The following NDUFAF2 variants were observed in gnomAD, a reference collection of about 807,000 sequenced individuals.
NDUFAF2 encodes the protein NADH dehydrogenase [ubiquinone] 1 alpha subcomplex assembly factor 2.
Under a neutral mutation model 22.8 loss-of-function variants are expected in NDUFAF2, and 13 were observed. The ratio of observed to expected loss-of-function variants is 0.57; its 90% CI spans 0.37 to 0.91. The LOEUF is 0.91. NDUFAF2 is among the 40% of genes least tolerant of loss of function. NDUFAF2 has a pLI of 0.01. For missense variants in NDUFAF2, 162 were observed against 195.2 expected (o/e 0.83, Z 1.01); for synonymous variants, 53 against 64.2 (o/e 0.83, Z 0.84).
At chr5:61,124,709 T>G (rs1269824480) in intron 3 of NDUFAF2, among the ~76,000 whole-genome samples, 1 of 152,152 alleles carries the variant, frequency 6.6e-6, no homozygotes, top group East Asian at 1.9e-4. Context: ...CAGTACAAAT[T>G]AGAACATTTC....
chr5:61,054,045 T>C (rs1348042503), intron 1 of NDUFAF2, among the ~76,000 whole-genome samples: 2 of 151,764 alleles, frequency 1.3e-5, no homozygotes, highest in Non-Finnish European at 2.9e-5. Context: ...TACAAAAAAT[T>C]TAAAACTTAG....
At chr5:60,945,706 G>A (rs1322675418) in intron 1 of NDUFAF2, among the ~76,000 whole-genome samples, 1 of 152,220 alleles carries the variant, frequency 6.6e-6, no homozygotes, top group Non-Finnish European at 1.5e-5. Flanking sequence ...AGGAGCCTCA[G>A]TTTTAGCCCT....
intron 3 of NDUFAF2, among the ~76,000 whole-genome samples, chr5:61,138,271 G>GGCAA (rs55825248): frequency 6.6e-6 from 1 of 152,082 alleles, no homozygotes; most frequent in South Asian, 2.1e-4. Flanking sequence ...CTTATTAGGA[G>GGCAA]TCCAAGCAAG....
At chr5:61,080,483 A>T (rs1410283409) in intron 2 of NDUFAF2, among the ~76,000 whole-genome samples, 1 of 152,210 alleles carries the variant, frequency 6.6e-6, no homozygotes, top group Admixed American at 6.5e-5. Flanking sequence ...AGTGTATGAG[A>T]GTTCAAGTTG....
intron 2 of NDUFAF2, among the ~76,000 whole-genome samples, chr5:61,094,734 C>T (rs1009517637): frequency 1.3e-5 from 2 of 152,164 alleles, no homozygotes; most frequent in Non-Finnish European, 2.9e-5. Flanking sequence ...CTGCAGTTTT[C>T]TGGGGATCCA....
At chr5:61,128,953 G>C (rs1366761157) in intron 3 of NDUFAF2, among the ~76,000 whole-genome samples, 1 of 151,800 alleles carries the variant, frequency 6.6e-6, no homozygotes, top group African/African-American at 2.4e-5. Flanking sequence ...AAATTTACAA[G>C]AAAAAAACAA....
At chr5:60,953,802 AT>A (rs1750579467) in intron 1 of NDUFAF2, among the ~76,000 whole-genome samples, 1 of 152,196 alleles carries the variant, frequency 6.6e-6, no homozygotes. Context: ...GGTTTACTGT[AT>A]TTATGAATAT....
intron 1 of NDUFAF2, among the ~76,000 whole-genome samples, chr5:61,016,073 C>G (rs992063285): frequency 6.6e-6 from 1 of 152,098 alleles, no homozygotes. Context: ...TCAATCCCAG[C>G]TACTCAGGAG....
chr5:61,041,259 A>G (rs1751878861), intron 1 of NDUFAF2, among the ~76,000 whole-genome samples: 1 of 152,188 alleles, frequency 6.6e-6, no homozygotes, highest in Non-Finnish European at 1.5e-5. Flanking sequence ...TTCTTATCTC[A>G]ATGTAAACAT....
intron 3 of NDUFAF2, among the ~76,000 whole-genome samples, chr5:61,136,181 C>T (rs1740935544): frequency 1.3e-5 from 2 of 151,010 alleles, no homozygotes; most frequent in South Asian, 2.1e-4. Context: ...TTAGATGACA[C>T]TCTGTTTATC....
intron 1 of NDUFAF2, among the ~76,000 whole-genome samples, chr5:61,065,544 A>G (rs1172154486): frequency 1.3e-5 from 2 of 152,132 alleles, no homozygotes; most frequent in Non-Finnish European, 2.9e-5. Context: ...CTGGTTTAAC[A>G]TACACAAATC....
intron 1 of NDUFAF2, among the ~76,000 whole-genome samples, chr5:60,980,200 A>G (rs919699207): frequency 4.6e-5 from 7 of 152,220 alleles, no homozygotes; most frequent in African/African-American, 1.7e-4. Context: ...AAACAAGTCT[A>G]GACTGTGAAG....
rs973377266 is a variant in NDUFAF2, at chr5:61,000,022, C to CA, written c.127+54644dup. On this transcript the variant is annotated intron_variant, in intron 1 of 3. Transcript: ENST00000296597. ...AATTTGCATAATGACTTTTGATGGA[C>CA]AAAATAAAAAAGTTTTAGAAGACCA... Among the ~76,000 whole-genome samples, 257 of 151,546 alleles carry CA rather than the reference C, an allele frequency of 1.7e-3. 2 individuals carry two copies. The highest frequency in any genetic ancestry group is 6.1e-3 in the African/African-American group (251 of 41,356).
chr5:61,004,927 A>T (rs997342093), intron 1 of NDUFAF2, among the ~76,000 whole-genome samples: 2 of 135,102 alleles, frequency 1.5e-5, no homozygotes, highest in African/African-American at 5.1e-5. Flanking sequence ...ATTCTTTTTT[A>T]TTTATTTATT....
At chr5:61,016,194 T>A (rs575134779) in intron 1 of NDUFAF2, among the ~76,000 whole-genome samples, 17 of 147,564 alleles carry the variant, frequency 1.2e-4, no homozygotes, top group African/African-American at 3.9e-4. Flanking sequence ...AAAAAAAAAA[T>A]ATATATATAC....
intron 1 of NDUFAF2, among the ~76,000 whole-genome samples, chr5:60,993,309 C>A (rs1751185399): frequency 6.6e-6 from 1 of 152,210 alleles, no homozygotes. Flanking sequence ...GAGTCACAGC[C>A]CTGGCTTGGG....
At chr5:61,049,121 A>C (rs925959899) in intron 1 of NDUFAF2, among the ~76,000 whole-genome samples, 2 of 152,164 alleles carry the variant, frequency 1.3e-5, no homozygotes, top group East Asian at 3.8e-4. Context: ...AGGATCAATT[A>C]TATCCTTGTG....
intron 2 of NDUFAF2, among the ~76,000 whole-genome samples, chr5:61,084,282 T>C (rs1561560611): frequency 6.6e-6 from 1 of 151,632 alleles, no homozygotes; most frequent in African/African-American, 2.4e-5. Flanking sequence ...ATTTTATTTT[T>C]AAATTATCCT....
intron 2 of NDUFAF2, among the ~76,000 whole-genome samples, chr5:61,079,657 C>A (rs1293034519): frequency 6.6e-6 from 1 of 152,216 alleles, no homozygotes; most frequent in Non-Finnish European, 1.5e-5. Context: ...CAATCTTTCA[C>A]CATTAAATAT....
Sources: gnomAD v4.1 joint callset for allele counts (sites outside exome capture counted in the v4.1 genomes callset) on GRCh38, gnomAD v4.1.1 for gene constraint, MANE v1.5 for transcripts, NCBI Gene and HGNC (gene_info 2026-07-23, HGNC 2026-07-21) for gene names.